Variants in UBAC2 observed in about 807,000 individuals in gnomAD.
UBAC2 encodes UBA domain containing 2, also known as ubiquitin-associated domain-containing protein 2.
UBAC2 carries 26 observed loss-of-function variants against 44.0 expected under a neutral mutation model. The observed-to-expected ratio is 0.59, with a 90% CI of 0.43 to 0.82. The LOEUF is 0.82. Ranked by LOEUF, UBAC2 falls within the 40% of genes least tolerant of loss-of-function variation. UBAC2 has a pLI of 0.00. For missense variants in UBAC2, 329 were observed against 419.4 expected, an observed-to-expected ratio of 0.78 and a Z score of 1.88; for synonymous variants, 155 against 154.3, an observed-to-expected ratio of 1.00 and a Z score of -0.04.
intron 4 of UBAC2, among the ~76,000 whole-genome samples, chr13:99,291,553 C>T (rs1404405567): frequency 1.3e-5 from 2 of 152,202 alleles, no homozygotes; most frequent in African/African-American, 2.4e-5. Context: ...CTTCTAAAAT[C>T]GCATGCCACC....
At chr13:99,255,230 G>A (rs1337736663) in intron 4 of UBAC2, 4 of 1,614,100 alleles carry the variant, frequency 2.5e-6, no homozygotes, top group Admixed American at 3.3e-5. Context: ...CTGCCGTGAA[G>A]GAGATTATGA....
chr13:99,201,502 G>T, intron 1 of UBAC2: 1 of 1,614,212 alleles, frequency 6.2e-7, no homozygotes, highest in South Asian at 1.1e-5. Context: ...AGGAAGTCGT[G>T]GCGAGGGAGC....
intron 7 of UBAC2, among the ~76,000 whole-genome samples, chr13:99,353,930 C>A (rs1222433187): frequency 6.6e-5 from 10 of 152,170 alleles, no homozygotes; most frequent in African/African-American, 2.2e-4. Context: ...CAGCCAGAGG[C>A]CAGGAATTTT....
intron 6 of UBAC2, among the ~76,000 whole-genome samples, chr13:99,327,486 G>T (rs532752283): frequency 3.7e-4 from 56 of 151,312 alleles, no homozygotes; most frequent in African/African-American, 1.3e-3. Flanking sequence ...CTCTCTCTCT[G>T]TGTGTGTGTG....
intron 7 of UBAC2, among the ~76,000 whole-genome samples, chr13:99,349,029 C>G (rs1239164324): frequency 6.6e-6 from 1 of 152,200 alleles, no homozygotes; most frequent in Non-Finnish European, 1.5e-5. Flanking sequence ...AGTGAAAATT[C>G]TGTGTGCTCA....
rs1202108469 is a variant in UBAC2 at position 99,385,830 on chromosome 13, G to A, written c.*495G>A. ...CTCCTGGGAGTGAGGGAGAAACAGG[G>A]AGCTGAATCCTCCCCCAAGCTGTTC... On this transcript the variant is annotated 3_prime_UTR_variant, in exon 9 of 9. Transcript: ENST00000403766. 6.2e-6 allele frequency: 1 copy of A among 161,144 alleles called. No individual in the cohort carries two copies. The highest frequency in any genetic ancestry group is 5.8e-5 in the Admixed American group (1 of 17,206). The allele number at this position is 161,144 out of a possible 1,614,324, so 10.0% of individuals were successfully genotyped here.
chr13:99,229,217 G>A (rs984342776), intron 1 of UBAC2, among the ~76,000 whole-genome samples: 5 of 152,250 alleles, frequency 3.3e-5, no homozygotes, highest in African/African-American at 1.2e-4. Flanking sequence ...AGGGTGCAGA[G>A]TGGGGGAAAA....
intron 1 of UBAC2, chr13:99,201,253 C>T (rs1321282322): frequency 1.4e-6 from 2 of 1,443,084 alleles, no homozygotes; most frequent in African/African-American, 1.4e-5. Flanking sequence ...CGTGGGCCGG[C>T]CCCAGGCCCT....
chr13:99,327,345 A>T (rs558925066), intron 6 of UBAC2, among the ~76,000 whole-genome samples: 1 of 152,368 alleles, frequency 6.6e-6, no homozygotes, highest in South Asian at 2.1e-4. Context: ...CTGGTAGATT[A>T]TCATGTCCGT....
chr13:99,202,290 G>T (rs552455901), intron 1 of UBAC2, among the ~76,000 whole-genome samples: 1 of 152,166 alleles, frequency 6.6e-6, no homozygotes, highest in African/African-American at 2.4e-5. Flanking sequence ...TTCATGGATT[G>T]GTCCCGGAGT....
chr13:99,210,660 A>G (rs777345251), intron 1 of UBAC2, among the ~76,000 whole-genome samples: 1 of 151,934 alleles, frequency 6.6e-6, no homozygotes, highest in African/African-American at 2.4e-5. Flanking sequence ...TGTTTTTAGT[A>G]GAGACGGGGT....
chr13:99,232,018 A>T (rs1030246035), intron 1 of UBAC2, among the ~76,000 whole-genome samples: 2 of 152,186 alleles, frequency 1.3e-5, no homozygotes, highest in Non-Finnish European at 2.9e-5. Flanking sequence ...CTATGCAGAA[A>T]TGAGGAACTG....
intron 4 of UBAC2, among the ~76,000 whole-genome samples, chr13:99,248,862 A>C (rs72648086): frequency 0.013 from 1,936 of 152,270 alleles, 26 homozygotes; most frequent in Non-Finnish European, 0.021. Context: ...AGACTCAAAG[A>C]AAACTCATGT....
intron 1 of UBAC2, 118 bp from the exon 2 acceptor site, chr13:99,238,309 T>G (rs954545655): frequency 7.4e-7 from 1 of 1,347,180 alleles, no homozygotes; most frequent in Non-Finnish European, 1.0e-6. Flanking sequence ...AATTTCAGAG[T>G]TTCTGGACTT....
In UBAC2 at chr13:99,367,844, A is replaced by C. The variant is rs1330260600; in HGVS notation, c.865A>C (p.Asn289His). 1 of 1,613,968 alleles carries C rather than the reference A, an allele frequency of 6.2e-7. No homozygotes were observed. The highest frequency in any genetic ancestry group is 1.1e-5 in the South Asian group (1 of 91,072). ...FPPLRQRQNV[N>H]YQGGRQSEPA... Reference sequence around the variant, plus strand: ...TCCTTTACGTCAGCGACAAAACGTAAACTATCAGGGCGGTCGGCAGTCTGA... The same window carrying C: ...TCCTTTACGTCAGCGACAAAACGTACACTATCAGGGCGGTCGGCAGTCTGA... Residue 289 changes from asparagine (N) to histidine (H), a missense_variant, in exon 8 of 9, where the codon AAC (asparagine) becomes CAC (histidine). Transcript: ENST00000403766.
At chr13:99,247,206 TTTG>T (rs1237501541) in intron 4 of UBAC2, among the ~76,000 whole-genome samples, 1 of 90,678 alleles carries the variant, frequency 1.1e-5, no homozygotes, top group South Asian at 3.0e-4. Context: ...TTTTTTTTTT[TTTG>T]TTTTGTTTTG....
chr13:99,331,330 GT>G (rs778169058), intron 6 of UBAC2, among the ~76,000 whole-genome samples: 1 of 152,160 alleles, frequency 6.6e-6, no homozygotes, highest in African/African-American at 2.4e-5. Context: ...AGCCACTGTT[GT>G]TTGAAGTTTT....
chr13:99,228,655 C>T (rs2043139314), intron 1 of UBAC2, among the ~76,000 whole-genome samples: 1 of 152,104 alleles, frequency 6.6e-6, no homozygotes, highest in Admixed American at 6.5e-5. Flanking sequence ...GTTCTCATCT[C>T]CATTTTACAG....
chr13:99,204,416 TA>T (rs1382888939), intron 1 of UBAC2, among the ~76,000 whole-genome samples: 1 of 151,974 alleles, frequency 6.6e-6, no homozygotes, highest in Non-Finnish European at 1.5e-5. Context: ...AGCAATGAAT[TA>T]GGGGTGGTTA....
Sources: gnomAD v4.1 joint callset for allele counts (sites outside exome capture counted in the v4.1 genomes callset) on GRCh38, gnomAD v4.1.1 for gene constraint, MANE v1.5 for transcripts, NCBI Gene and HGNC (gene_info 2026-07-23, HGNC 2026-07-21) for gene names.